Variants in SCN3A observed in about 807,000 individuals in gnomAD.
SCN3A encodes sodium channel protein type 3 subunit alpha.
Under a neutral mutation model 187.6 loss-of-function variants are expected in SCN3A, and 60 were observed. That is an observed-to-expected ratio of 0.32 (90% confidence interval 0.26 to 0.40). SCN3A has a LOEUF of 0.40. Ranked by LOEUF, SCN3A falls within the 10% of genes least tolerant of loss-of-function variation. The pLI, the probability that SCN3A is intolerant of heterozygous loss-of-function variation, is 1.00. For synonymous variants in SCN3A, 788 were observed against 829.2 expected, an observed-to-expected ratio of 0.95 and a Z score of 0.85; for missense variants, 1,601 against 2,428.2, an observed-to-expected ratio of 0.66 and a Z score of 7.16.
chr2:165,153,986 C>CCTTTTTTT (rs1559237785), intron 11 of SCN3A, among the ~76,000 whole-genome samples: 1 of 39,164 alleles, frequency 2.6e-5, no homozygotes, highest in East Asian at 1.1e-3. Context: ...CTATAGCAAA[C>CCTTTTTTT]ATTTTTTTTT....
intron 2 of SCN3A, among the ~76,000 whole-genome samples, chr2:165,184,500 G>A (rs72870775): frequency 0.037 from 3,707 of 101,532 alleles, no homozygotes; most frequent in Middle Eastern, 0.063. Flanking sequence ...AAAAAAAAAA[G>A]AAAAAAAAAA....
intron 15 of SCN3A, among the ~76,000 whole-genome samples, chr2:165,133,658 T>C (rs949357717): frequency 6.6e-6 from 1 of 151,978 alleles, no homozygotes; most frequent in African/African-American, 2.4e-5. Context: ...CTAGCTTTTT[T>C]TTTTTTTTCC....
intron 1 of SCN3A, among the ~76,000 whole-genome samples, chr2:165,201,222 T>G (rs1487466409): frequency 6.6e-6 from 1 of 152,088 alleles, no homozygotes; most frequent in Admixed American, 6.6e-5. Context: ...TTATGAGTTC[T>G]ATAAACTCTC....
intron 1 of SCN3A, among the ~76,000 whole-genome samples, chr2:165,188,629 A>C (rs1691388222): frequency 6.6e-6 from 1 of 150,860 alleles, no homozygotes; most frequent in African/African-American, 2.5e-5. Flanking sequence ...CTCTACTAAA[A>C]ATACAAAAAT....
In SCN3A at chr2:165,113,839, T is replaced by C. The variant is rs1169098298; in HGVS notation, c.3646A>G (p.Ile1216Val). Residue 1216 changes from isoleucine (I) to valine (V), a missense_variant, in exon 20 of 28, where the codon ATC (isoleucine) becomes GTC (valine). Coordinates refer to ENST00000283254, the MANE Select transcript of SCN3A (RefSeq NM_006922.4). ...NWFETFIVFM[I>V]LLSSGALAFE... is the part of the protein sequence containing the mutation. ...ACCAATGCACCACTACTGAGAAGGA[T>C]CATGAACACAATGAAAGTCTCAAAC... The C allele has an allele frequency of 5.0e-6, 8 of 1,613,874 alleles. No individual in the cohort carries two copies. The Admixed American group carries it at 1.3e-4, about 27-fold the overall frequency.
intron 11 of SCN3A, among the ~76,000 whole-genome samples, chr2:165,152,355 A>C (rs1486736878): frequency 1.3e-5 from 2 of 152,204 alleles, no homozygotes. Flanking sequence ...GCAGAGGTGA[A>C]AACTACAATG....
chr2:165,126,331 G>A (rs1686984200), intron 18 of SCN3A, among the ~76,000 whole-genome samples: 1 of 152,120 alleles, frequency 6.6e-6, no homozygotes, highest in Non-Finnish European at 1.5e-5. Flanking sequence ...TACTATGATA[G>A]AAACTTAAGA....
chr2:165,165,958 T>A (rs373881199), intron 5 of SCN3A, among the ~76,000 whole-genome samples: 22 of 152,338 alleles, frequency 1.4e-4, no homozygotes, highest in African/African-American at 4.8e-4. Context: ...TTTTACAATA[T>A]CAAGCTTATG....
At chr2:165,174,686 C>T (rs537458533) in intron 3 of SCN3A, among the ~76,000 whole-genome samples, 70 of 152,062 alleles carry the variant, frequency 4.6e-4, no homozygotes, top group African/African-American at 1.5e-3. Context: ...CAGTTTTCAC[C>T]GGATAATATT....
rs1476802227 is a variant in SCN3A, at chr2:165,100,391, C to T, written c.3877G>A (p.Gly1293Ser). The T allele has an allele frequency of 6.2e-7, 1 of 1,613,668 alleles. No individual in the cohort carries two copies. Among genetic ancestry groups the T allele is most frequent in the East Asian group, 2.2e-5 (1 of 44,820 alleles). ...SLVSLVANAL[G>S]YSELGAIKSL... is the part of the protein sequence containing the mutation. ...TTGATGGCACCGAGTTCTGAGTAGC[C>T]AAGAGCATTGGCTACCAGGCTAACC... The change falls in exon 22 of 28, where the codon GGC (glycine) becomes AGC (serine). Residue 1293 changes from glycine to serine, a missense_variant. By Grantham distance (56) the Gly-to-Ser change is moderately conservative. This residue lies in a region of SCN3A where 320 missense variants were observed against 623.2 expected (regional missense o/e 0.51). Transcript: ENST00000283254.
At chr2:165,093,753 A>C (rs1685224768) in intron 26 of SCN3A, 1 of 152,350 alleles carries the variant, frequency 6.6e-6, no homozygotes, top group Non-Finnish European at 1.5e-5. Context: ...TGGCAATTAC[A>C]AGATTTGTGA....
At position 165,097,538 on chromosome 2, in the gene SCN3A, C is replaced by T. The variant is rs190716625; in HGVS notation, c.3967-14G>A. ...ATTCACAACCACCTAGAAGAGACAG[C>T]GAGGGGAACATAGCTTACAAACCTT... On this transcript the variant is annotated splice_polypyrimidine_tract_variant and intron_variant, in intron 22 of 27. Transcript: ENST00000283254. The T allele has an allele frequency of 2.5e-5, 40 of 1,612,722 alleles. No individual in the cohort carries two copies. The highest frequency in any genetic ancestry group is 2.3e-4 in the African/African-American group (17 of 74,968).
rs1207248758 is a variant in SCN3A at position 165,104,560 on chromosome 2, A to T, written c.3844-4136T>A. ...CTCCAACTAAAAAACTGAAAAAAAA[A>T]AGCCCGGAATATTTTTAATAGTCTT... On this transcript the variant is annotated intron_variant, in intron 21 of 27. Transcript: ENST00000283254. 2.6e-4 allele frequency among the ~76,000 whole-genome samples: 40 copies of T among 151,942 alleles called. 1 individual carries two copies. The highest frequency in any genetic ancestry group is 1.5e-4 in the Non-Finnish European group (10 of 67,956).
At chr2:165,103,610 G>T (rs2105672895) in intron 21 of SCN3A, among the ~76,000 whole-genome samples, 1 of 152,264 alleles carries the variant, frequency 6.6e-6, no homozygotes, top group Admixed American at 6.5e-5. Flanking sequence ...TGGTTCAGTT[G>T]TCATCCACAC....
Position 165,186,072 on chromosome 2 carries a change from C to T in SCN3A, c.-51+479G>A, listed in dbSNP as rs57159673. On this transcript the variant is annotated intron_variant, in intron 2 of 27. Transcript: ENST00000283254. ...AGATCACGAGGTCAGGAGATCGAGACCATCCTGGCTAACACGATGAAACCT... is the reference window on the plus strand; with the variant it reads ...AGATCACGAGGTCAGGAGATCGAGATCATCCTGGCTAACACGATGAAACCT... 5.2e-3 allele frequency among the ~76,000 whole-genome samples: 785 copies of T among 152,132 alleles called. 3 individuals carry two copies. The highest frequency in any genetic ancestry group is 0.018 in the African/African-American group (750 of 41,506).
intron 4 of SCN3A, among the ~76,000 whole-genome samples, chr2:165,169,130 T>A (rs895134536): frequency 5.3e-5 from 8 of 151,852 alleles, no homozygotes; most frequent in Admixed American, 6.6e-5. Flanking sequence ...GAACTCACCA[T>A]CCCTTAGTAA....
At chr2:165,146,380 ATATG>A (rs771234296) in intron 12 of SCN3A, among the ~76,000 whole-genome samples, 118 of 90,580 alleles carry the variant, frequency 1.3e-3, no homozygotes, top group African/African-American at 3.1e-3. Context: ...ATATATATAT[ATATG>A]TGTGTGTGTG....
At chr2:165,202,911 T>A (rs917218903) in intron 1 of SCN3A, among the ~76,000 whole-genome samples, 5 of 152,058 alleles carry the variant, frequency 3.3e-5, no homozygotes, top group Admixed American at 1.3e-4. Context: ...ATGTATAGAT[T>A]TTCTGTCAAT....
chr2:165,110,729 A>G (rs564946747), intron 21 of SCN3A, among the ~76,000 whole-genome samples: 6 of 152,322 alleles, frequency 3.9e-5, no homozygotes, highest in African/African-American at 1.4e-4. Flanking sequence ...AGACCCATTT[A>G]AGATACAGTA....
Sources: allele counts gnomAD v4.1 joint callset (sites outside exome capture counted in the v4.1 genomes callset), GRCh38; gene constraint gnomAD v4.1.1; regional missense constraint gnomAD v4.1.1; transcripts MANE v1.5; gene names NCBI Gene and HGNC (gene_info 2026-07-23, HGNC 2026-07-21).